The following USP28 variants were observed in gnomAD, a reference collection of about 807,000 sequenced individuals.
USP28 encodes the protein ubiquitin specific peptidase 28, also known as ubiquitin carboxyl-terminal hydrolase 28.
A neutral mutation model predicts 145.0 loss-of-function variants in USP28; 113 were observed. The observed-to-expected ratio is 0.78, with a 90% CI of 0.67 to 0.91. The LOEUF (loss-of-function observed/expected upper bound fraction) is 0.91, where lower values mean the gene tolerates loss of function less well. Ranked by LOEUF, USP28 falls within the 40% of genes least tolerant of loss-of-function variation. The pLI is 0.00. For missense variants in USP28, 1,201 were observed against 1,289.6 expected (o/e 0.93, Z 1.05); for synonymous variants, 447 against 450.9 (o/e 0.99, Z 0.11).
chr11:113,850,112 G>A (rs369877674), intron 3 of USP28, among the ~76,000 whole-genome samples: 1 of 151,980 alleles, frequency 6.6e-6, no homozygotes, highest in African/African-American at 2.4e-5. Context: ...CCCAATCTAA[G>A]ATAACAAATT....
intron 11 of USP28, among the ~76,000 whole-genome samples, chr11:113,827,000 C>T (rs1943447947): frequency 6.6e-6 from 1 of 151,922 alleles, no homozygotes; most frequent in South Asian, 2.1e-4. Context: ...AGTTCCTACC[C>T]CCAAAAGGAG....
At chr11:113,855,946 C>A (rs1382176862) in intron 1 of USP28, among the ~76,000 whole-genome samples, 1 of 152,094 alleles carries the variant, frequency 6.6e-6, no homozygotes, top group Non-Finnish European at 1.5e-5. Context: ...CAAAGAAGCA[C>A]CAACAGTCGT....
At chr11:113,833,879 G>A (rs1185640097) in intron 6 of USP28, among the ~76,000 whole-genome samples, 1 of 152,146 alleles carries the variant, frequency 6.6e-6, no homozygotes, top group Non-Finnish European at 1.5e-5. Context: ...AGGAGGCTAC[G>A]ACCTTTGGCA....
Position 113,808,145 on chromosome 11 carries a change from G to T in USP28, c.2304+153C>A. The T allele has an allele frequency of 6.6e-7, 1 of 1,513,742 alleles. No homozygotes were observed. The highest frequency in any genetic ancestry group is 8.8e-7 in the Non-Finnish European group (1 of 1,138,626). The allele number at this position is 1,513,742 out of a possible 1,614,324, so 93.8% of individuals were successfully genotyped here. On this transcript the variant is annotated intron_variant, in intron 18 of 24. Transcript: ENST00000003302. ...GGTTCAGCTTCTTTAAGCTGTGGCAGCAGAGTGGGGAGAAAGAGTAAGAAA... is the reference window on the plus strand; with the variant it reads ...GGTTCAGCTTCTTTAAGCTGTGGCATCAGAGTGGGGAGAAAGAGTAAGAAA...
intron 19 of USP28, among the ~76,000 whole-genome samples, chr11:113,806,120 T>G (rs2135245053): frequency 6.6e-6 from 1 of 151,772 alleles, no homozygotes; most frequent in Non-Finnish European, 1.5e-5. Context: ...AATTCCTTAG[T>G]AGAGATGGGG....
chr11:113,820,659 G>A (rs2135636211), intron 12 of USP28, among the ~76,000 whole-genome samples: 1 of 152,290 alleles, frequency 6.6e-6, no homozygotes, highest in Middle Eastern at 3.4e-3. Context: ...CCTTCCATGG[G>A]ACACTTAACC....
intron 12 of USP28, among the ~76,000 whole-genome samples, chr11:113,822,928 G>A (rs980236400): frequency 2.0e-5 from 3 of 152,158 alleles, no homozygotes; most frequent in African/African-American, 7.2e-5. Flanking sequence ...AAGGGAGTAG[G>A]TGGAGGTGTG....
chr11:113,859,983 C>T (rs922495390), intron 1 of USP28, among the ~76,000 whole-genome samples: 46 of 152,280 alleles, frequency 3.0e-4, no homozygotes, highest in African/African-American at 1.1e-3. Flanking sequence ...GCAATCTAGC[C>T]CACTTCTCAG....
At chr11:113,874,826 T>C (rs1291431160) in intron 1 of USP28, 1 of 1,051,918 alleles carries the variant, frequency 9.5e-7, no homozygotes, top group East Asian at 8.3e-5. Flanking sequence ...GAACAGGAGA[T>C]CATCATCAGT....
chr11:113,819,332 C>T (rs376925495), intron 12 of USP28, among the ~76,000 whole-genome samples: 7 of 152,118 alleles, frequency 4.6e-5, no homozygotes, highest in African/African-American at 9.6e-5. Flanking sequence ...AAGCTGGTCT[C>T]GAACTCCTGA....
At chr11:113,822,458 CAGAGAGAG>C (rs10524675) in intron 12 of USP28, 46,327 of 136,260 alleles carry the variant, frequency 0.34, 7,882 homozygotes, top group South Asian at 0.44. Flanking sequence ...TCAAAAAAAA[CAGAGAGAG>C]AGAGAGAGAG....
chr11:113,831,235 T>C (rs971213529), intron 8 of USP28, among the ~76,000 whole-genome samples: 2 of 152,196 alleles, frequency 1.3e-5, no homozygotes, highest in East Asian at 1.9e-4. Flanking sequence ...TTTCAGTATA[T>C]ACATCTATAT....
chr11:113,801,552 T>G lies in USP28; in HGVS notation c.2989A>C (p.Lys997Gln), dbSNP rs183006924. ...ACCTCAATGGCATCCAGATCATCCTTGGAAATGTCATTATTAATGATAAGG... is the reference window on the plus strand; with the variant it reads ...ACCTCAATGGCATCCAGATCATCCTGGGAAATGTCATTATTAATGATAAGG... Residue 997 changes from lysine (K) to glutamine (Q), a missense_variant, in exon 24 of 25, where the codon AAG (lysine) becomes CAG (glutamine). By Grantham distance (53) the Lys-to-Gln change is moderately conservative. Transcript: ENST00000003302. 10 of 1,609,834 alleles carry G rather than the reference T, an allele frequency of 6.2e-6. No homozygotes were observed. The Admixed American group carries it at 1.7e-4, about 27-fold the overall frequency.
intron 15 of USP28, among the ~76,000 whole-genome samples, chr11:113,812,879 G>T (rs942332817): frequency 5.3e-5 from 8 of 152,146 alleles, no homozygotes; most frequent in Non-Finnish European, 2.9e-5. Context: ...ACCTACAAAG[G>T]TTAGCAGCTA....
chr11:113,805,198 T>C (rs1939733237), intron 19 of USP28, 152 bp from the exon 21 acceptor site: 2 of 717,360 alleles, frequency 2.8e-6, no homozygotes, highest in African/African-American at 1.8e-5. Context: ...AATTTTTAAG[T>C]TTCTTGCATT....
chr11:113,799,634 C>T (rs1325586417), intron 24 of USP28, among the ~76,000 whole-genome samples: 3 of 152,130 alleles, frequency 2.0e-5, no homozygotes, highest in Admixed American at 6.5e-5. Context: ...TACTTTATTA[C>T]GAAAGGGTCT....
chr11:113,806,646 G>T, intron 18 of USP28, 62 bp from the exon 20 acceptor site: 2 of 1,232,526 alleles, frequency 1.6e-6, no homozygotes, highest in Non-Finnish European at 1.1e-6. Flanking sequence ...GCAGAAGACT[G>T]TATGAAAGCA....
At chr11:113,868,725 A>G (rs1232940323) in intron 1 of USP28, among the ~76,000 whole-genome samples, 1 of 152,110 alleles carries the variant, frequency 6.6e-6, no homozygotes, top group Non-Finnish European at 1.5e-5. Flanking sequence ...GTTCAAAACC[A>G]GCCTGGGCAA....
At chr11:113,836,475 T>A (rs1264448991) in intron 5 of USP28, among the ~76,000 whole-genome samples, 4 of 152,068 alleles carry the variant, frequency 2.6e-5, no homozygotes, top group Non-Finnish European at 5.9e-5. Flanking sequence ...TCTAAGTACC[T>A]CGCTAATATG....
Sources: allele counts gnomAD v4.1 joint callset (sites outside exome capture counted in the v4.1 genomes callset), GRCh38; gene constraint gnomAD v4.1.1; transcripts MANE v1.5; gene names NCBI Gene and HGNC (gene_info 2026-07-23, HGNC 2026-07-21).